Variants in PSG8 observed in about 807,000 individuals in gnomAD.
The protein encoded by PSG8 is pregnancy-specific beta-1-glycoprotein 8.
A neutral mutation model predicts 42.5 loss-of-function variants in PSG8; 57 were observed. The observed-to-expected ratio is 1.34, with a 90% CI of 1.08 to 1.67. The LOEUF (loss-of-function observed/expected upper bound fraction) is 1.67, where lower values mean the gene tolerates loss of function less well. Ranked by LOEUF, PSG8 falls within the 40% of genes most tolerant of loss-of-function variation. The pLI, the probability that PSG8 is intolerant of heterozygous loss-of-function variation, is 0.00. For missense variants in PSG8, 783 were observed against 518.6 expected, an observed-to-expected ratio of 1.51 and a Z score of -4.95; for synonymous variants, 280 against 196.8, an observed-to-expected ratio of 1.42 and a Z score of -3.54.
chr19:42,755,155 C>T lies in PSG8; in HGVS notation c.821G>A (p.Trp274Ter). The T allele has an allele frequency of 1.2e-6, 2 of 1,611,886 alleles. No homozygotes were observed. Among genetic ancestry groups the T allele is most frequent in the Non-Finnish European group, 1.7e-6 (2 of 1,179,798 alleles). Residue 274 changes from tryptophan (W) to a stop codon, truncating the protein, a stop_gained, in exon 4 of 5, where the codon TGG becomes TAG. Transcript: ENST00000306511. LOFTEE classifies it high-confidence loss of function. ...PKSENYTYIW[W>*]LNGQSLPVSP... ...GACCGGGAGGCTCTGACCATTTAGC[C>T]ACCAAATGTAGGTGTAGTTCTCACT...
chr19:42,765,091 C>T (rs1970182166), intron 1 of PSG8, among the ~76,000 whole-genome samples: 1 of 151,944 alleles, frequency 6.6e-6, no homozygotes, highest in Admixed American at 6.6e-5. Flanking sequence ...GACCCCTGTC[C>T]CTCTCTGGTG....
intron 4 of PSG8, 138 bp downstream of exon 4, chr19:42,754,850 G>A (rs1969876625): frequency 2.0e-6 from 3 of 1,523,988 alleles, no homozygotes; most frequent in Admixed American, 2.1e-5. Context: ...TTTTCCCAGG[G>A]CAGGGAGTCA....
Position 42,754,864 on chromosome 19 carries a change from C to T in PSG8, c.988+124G>A. 6 of 1,541,304 alleles carry T rather than the reference C, an allele frequency of 3.9e-6. No individual in the cohort carries two copies. In the South Asian group the frequency reaches 5.2e-5, roughly 13 times the overall value. ...GTTTTCCCAGGGCAGGGAGTCATGG[C>T]CAGCTCGGATGTCCAGAAGTGAAGG... On this transcript the variant is annotated intron_variant, in intron 4 of 4. Transcript: ENST00000306511.
Position 42,765,057 on chromosome 19 carries a change from T to C in PSG8, c.64+461A>G, listed in dbSNP as rs534073266. The stretch of plus-strand genomic sequence containing the variant: ...AGATTTTCCTACCTCTTACCAATTC[T>C]GGTTCCTGTGACTTTCCTGTTTTGA... On this transcript the variant is annotated intron_variant, in intron 1 of 4. Coordinates refer to ENST00000306511, the MANE Select transcript of PSG8 (RefSeq NM_182707.3). 4.2e-5 allele frequency among the ~76,000 whole-genome samples: 6 copies of C among 143,302 alleles called. No individual in the cohort carries two copies. In the East Asian group the frequency reaches 5.8e-4, roughly 14 times the overall value. 94.0% of individuals were successfully genotyped at this position (143,302 alleles called of 152,430 possible).
rs544054319 is a variant in PSG8, at chr19:42,754,879, A to G, written c.988+109T>C. The G allele has an allele frequency of 9.8e-5, 153 of 1,557,282 alleles. 1 individual carries two copies. The highest frequency in any genetic ancestry group is 1.3e-4 in the Non-Finnish European group (147 of 1,155,814). ...GGAGTCATGGCCAGCTCGGATGTCC[A>G]GAAGTGAAGGTGTCTATACTTGGAC... On this transcript the variant is annotated intron_variant, in intron 4 of 4. Transcript: ENST00000306511.
In PSG8 at chr19:42,758,240, G is replaced by A. The variant is rs140758943; in HGVS notation, c.471C>T (p.Asn157=). 11 of 1,613,920 alleles carry A rather than the reference G, an allele frequency of 6.8e-6. No homozygotes were observed. The highest frequency in any genetic ancestry group is 2.2e-5 in the East Asian group (1 of 44,898). Residue 157 remains asparagine (N), a synonymous_variant, in exon 3 of 5, where the codon AAC becomes AAT. Coordinates refer to ENST00000306511, the MANE Select transcript of PSG8 (RefSeq NM_182707.3). ...PKPSISSSKL[N]PREAMEAVSL... ...TCACAGCCTCCATGGCCTCCCTGGG[G>A]TTTAATTTGCTGCTGGAGATGGAGG... is the stretch of plus-strand genomic sequence containing the variant.
At chr19:42,764,696 A>G (rs933114097) in intron 1 of PSG8, among the ~76,000 whole-genome samples, 4 of 151,816 alleles carry the variant, frequency 2.6e-5, no homozygotes, top group African/African-American at 4.8e-5. Context: ...TGCTCCCTCC[A>G]GGGTTCTTCT....
intron 3 of PSG8, among the ~76,000 whole-genome samples, chr19:42,756,823 A>C (rs1460184911): frequency 6.6e-6 from 1 of 151,904 alleles, no homozygotes; most frequent in Non-Finnish European, 1.5e-5. Context: ...GCAGTCATTA[A>C]TAAGAGCCTG....
chr19:42,758,156 C>G lies in PSG8; in HGVS notation c.555G>C (p.Gln185His). 1.2e-5 allele frequency: 19 copies of G among 1,614,016 alleles called. No individual in the cohort carries two copies. Among genetic ancestry groups the G allele is most frequent in the Non-Finnish European group, 1.6e-5 (19 of 1,179,980 alleles). Residue 185 changes from glutamine to histidine, a missense_variant, in exon 3 of 5, where the codon CAG becomes CAC. Transcript: ENST00000306511. ...GCAACCTGTGAGACATAGGGAGGCT[C>G]TGACCATTCATCCACCACAGGTAGC... Reference protein sequence around the residue: ...DASYLWWMNGQSLPMSHRLQL... With the variant: ...DASYLWWMNGHSLPMSHRLQL...
chr19:42,757,653 G>C (rs371678398), intron 3 of PSG8, among the ~76,000 whole-genome samples: 1 of 152,120 alleles, frequency 6.6e-6, no homozygotes, highest in Non-Finnish European at 1.5e-5. Flanking sequence ...GGAAAATCTC[G>C]TCTGTGGAAG....
intron 2 of PSG8, among the ~76,000 whole-genome samples, chr19:42,761,221 C>A (rs1288412014): frequency 1.3e-5 from 2 of 152,158 alleles, no homozygotes; most frequent in East Asian, 1.9e-4. Context: ...CCAGGCTAAC[C>A]TTGGGAGGAA....
downstream of PSG8, chr19:42,752,985 T>C: frequency 2.1e-6 from 1 of 468,082 alleles, no homozygotes; most frequent in Non-Finnish European, 3.8e-6. Flanking sequence ...ACTCTATTGT[T>C]ACCCTCAGAA....
In PSG8 at chr19:42,758,080, T is replaced by C. The variant is rs2122248237; in HGVS notation, c.631A>G (p.Thr211Ala). 2 of 1,614,008 alleles carry C rather than the reference T, an allele frequency of 1.2e-6. No homozygotes were observed. Among genetic ancestry groups the C allele is most frequent in the Middle Eastern group, 1.7e-4 (1 of 6,052 alleles). The change falls in exon 3 of 5, where the codon ACT becomes GCT. Residue 211 changes from threonine (T) to alanine (A), a missense_variant. By Grantham distance (58) the Thr-to-Ala change is moderately conservative (BLOSUM62 0). Coordinates refer to ENST00000306511, the MANE Select transcript of PSG8 (RefSeq NM_182707.3). ...TLFLLGVTKY[T>A]AGPYECEIRN... ...ATTTCACATTCATAGGGTCCTGCAG[T>C]GTACTTTGTGACACCCAATAGAAAG...
intron 4 of PSG8, 66 bp downstream of exon 4, chr19:42,754,922 G>T (rs1376965977): frequency 1.0e-5 from 16 of 1,574,114 alleles, no homozygotes; most frequent in African/African-American, 1.4e-5. Context: ...AGAGTGAGAG[G>T]CCTGGCCTCT....
chr19:42,758,301 A>T (rs774212282), intron 2 of PSG8, 21 bp from the exon 3 acceptor site: 1 of 1,609,554 alleles, frequency 6.2e-7, no homozygotes, highest in Non-Finnish European at 8.5e-7. Flanking sequence ...AACAGAGAGA[A>T]GATTGCCCTG....
rs547887363 is a variant in PSG8, at chr19:42,759,196, C to A, written c.431-916G>T. Among the ~76,000 whole-genome samples, 31 of 152,212 alleles carry A rather than the reference C, an allele frequency of 2.0e-4. No homozygotes were observed. In the South Asian group the frequency reaches 4.6e-3, roughly 22 times the overall value. On this transcript the variant is annotated intron_variant, in intron 2 of 4. Coordinates refer to ENST00000306511, the MANE Select transcript of PSG8 (RefSeq NM_182707.3). Reference sequence around the variant, plus strand: ...TATTAGACCAATATTTGGGAAGAAGCCTTGCAGATACTTTCTCTCATTAGA... The same window carrying A: ...TATTAGACCAATATTTGGGAAGAAGACTTGCAGATACTTTCTCTCATTAGA...
At position 42,763,857 on chromosome 19, in the gene PSG8, G is replaced by A; in HGVS notation, c.430+59C>T. 12 of 1,612,152 alleles carry A rather than the reference G, an allele frequency of 7.4e-6. No homozygotes were observed. The South Asian group carries it at 8.8e-5, about 12-fold the overall frequency. On this transcript the variant is annotated intron_variant, in intron 2 of 4. Coordinates refer to ENST00000306511, the MANE Select transcript of PSG8 (RefSeq NM_182707.3). ...ATGTCCAGGCCTGACAATCCTGTGT[G>A]TGTGAAGTAGAAGTGACCCCTGTCC...
In PSG8 at chr19:42,764,131, A is replaced by T. The variant is rs753285468; in HGVS notation, c.215T>A (p.Ile72Asn). 6.2e-7 allele frequency: 1 copy of T among 1,613,854 alleles called. No homozygotes were observed. Among genetic ancestry groups the T allele is most frequent in the Non-Finnish European group, 8.5e-7 (1 of 1,179,904 alleles). ...TGTAATGTAATGGTAGAGGTCCCTGATTTGCCCTTTGTACCAGATGTAGCC... is the reference window on the plus strand; with the variant it reads ...TGTAATGTAATGGTAGAGGTCCCTGTTTTGCCCTTTGTACCAGATGTAGCC... ...LTGYIWYKGQ[I>N]RDLYHYITSY... The change falls in exon 2 of 5, where the codon ATC (isoleucine) becomes AAC (asparagine). Residue 72 changes from isoleucine (I) to asparagine (N), a missense_variant. Coordinates refer to ENST00000306511, the MANE Select transcript of PSG8 (RefSeq NM_182707.3).
chr19:42,765,467 C>T lies in PSG8; in HGVS notation c.64+51G>A, dbSNP rs760336269. 19 of 1,604,070 alleles carry T rather than the reference C, an allele frequency of 1.2e-5. No homozygotes were observed. The South Asian group carries it at 2.0e-4, about 17-fold the overall frequency. The stretch of plus-strand genomic sequence containing the variant: ...CCCATACTCTCAAGGAGACCCCATC[C>T]AGTCACTCTGCTTCCTCCTCCTGTC... On this transcript the variant is annotated intron_variant, in intron 1 of 4. Transcript: ENST00000306511.
Sources: allele counts gnomAD v4.1 joint callset (sites outside exome capture counted in the v4.1 genomes callset), GRCh38; gene constraint gnomAD v4.1.1; transcripts MANE v1.5; gene names NCBI Gene and HGNC (gene_info 2026-07-23, HGNC 2026-07-21).